The following SCN1A variants were observed in gnomAD, a reference collection of about 807,000 sequenced individuals.
SCN1A encodes sodium voltage-gated channel alpha subunit 1.
A neutral mutation model predicts 193.7 loss-of-function variants in SCN1A; 13 were observed. The ratio of observed to expected loss-of-function variants is 0.07; its 90% CI spans 0.04 to 0.11. The LOEUF (loss-of-function observed/expected upper bound fraction) is 0.11. Ranked by LOEUF, SCN1A falls within the 10% of genes least tolerant of loss-of-function variation. SCN1A has a pLI of 1.00. For missense variants in SCN1A, 1,432 were observed against 2,451.1 expected, an observed-to-expected ratio of 0.58 and a Z score of 8.78; for synonymous variants, 781 against 843.6, an observed-to-expected ratio of 0.93 and a Z score of 1.29.
intron 19 of SCN1A, among the ~76,000 whole-genome samples, chr2:166,022,528 C>T (rs1694211271): frequency 6.6e-6 from 1 of 152,102 alleles, no homozygotes; most frequent in South Asian, 2.1e-4. Flanking sequence ...TGTCTGCAAA[C>T]ATGCTTTCTT....
chr2:166,033,122 T>C (rs1269250241), intron 19 of SCN1A, among the ~76,000 whole-genome samples: 1 of 152,162 alleles, frequency 6.6e-6, no homozygotes, highest in African/African-American at 2.4e-5. Context: ...GTAAGACGCA[T>C]GAGTCAAGAA....
intron 19 of SCN1A, among the ~76,000 whole-genome samples, chr2:166,026,438 C>T (rs555086602): frequency 1.3e-5 from 2 of 152,054 alleles, no homozygotes; most frequent in South Asian, 4.2e-4. Context: ...GAAAAGTCCA[C>T]CTCTATGTTA....
At chr2:166,022,842 C>T (rs905001078) in intron 19 of SCN1A, among the ~76,000 whole-genome samples, 5 of 152,120 alleles carry the variant, frequency 3.3e-5, no homozygotes, top group Admixed American at 1.3e-4. Flanking sequence ...AGCTTTGCTA[C>T]GTGAAAACAT....
intron 4 of SCN1A, among the ~76,000 whole-genome samples, chr2:166,068,946 G>A (rs1002620322): frequency 2.0e-5 from 3 of 152,046 alleles, no homozygotes; most frequent in African/African-American, 7.2e-5. Context: ...TGATTCGTCT[G>A]TAATTTTAAC....
rs57044851 is a variant in SCN1A, at chr2:166,120,596, CTTTTTTTTTTTTTTT to C, written c.-142+6313_-142+6327del. ...TAGACTGTTTTCTTTTTTCTTTTCT[CTTTTTTTTTTTTTTT>C]TTTTTTTTTTTTTGAGACAGAGTCT... On this transcript the variant is annotated intron_variant, in intron 2 of 28. Transcript: ENST00000674923. Among the ~76,000 whole-genome samples, 42 of 72,494 alleles carry C rather than the reference CTTTTTTTTTTTTTTT, an allele frequency of 5.8e-4. 1 individual carries two copies. Among genetic ancestry groups the C allele is most frequent in the African/African-American group, 2.0e-3 (36 of 18,390 alleles). 47.6% of individuals were successfully genotyped at this position (72,494 alleles called of 152,430 possible). A position where few individuals can be genotyped will look rare whatever the true frequency, so the allele number is the denominator to read the frequency against.
chr2:166,102,926 A>G (rs1258374179), intron 2 of SCN1A, among the ~76,000 whole-genome samples: 6 of 152,270 alleles, frequency 3.9e-5, no homozygotes, highest in African/African-American at 1.2e-4. Context: ...AGAAAATACC[A>G]TTCAACAAAG....
At chr2:166,043,495 G>C (rs914727430) in intron 14 of SCN1A, among the ~76,000 whole-genome samples, 174 bp downstream of exon 14, 15 of 152,160 alleles carry the variant, frequency 9.9e-5, no homozygotes, top group African/African-American at 3.6e-4. Flanking sequence ...TTGTGCAGGA[G>C]ACTGCTAAGG....
intron 2 of SCN1A, among the ~76,000 whole-genome samples, chr2:166,110,328 AC>A (rs1381600685): frequency 6.6e-6 from 1 of 152,180 alleles, no homozygotes; most frequent in Non-Finnish European, 1.5e-5. Context: ...GGCCTCATGA[AC>A]CAAACAGTTA....
At chr2:166,142,052 G>A (rs1692109438) in intron 1 of SCN1A, among the ~76,000 whole-genome samples, 1 of 152,174 alleles carries the variant, frequency 6.6e-6, no homozygotes, top group African/African-American at 2.4e-5. Context: ...TAGACACAAA[G>A]AGGGTGGAGG....
At chr2:166,095,307 C>T (rs1272182830) in intron 2 of SCN1A, among the ~76,000 whole-genome samples, 1 of 152,148 alleles carries the variant, frequency 6.6e-6, no homozygotes, top group South Asian at 2.1e-4. Context: ...CCCAACTTCA[C>T]TAATCTCCTT....
chr2:166,135,408 C>A (rs1425432141), intron 1 of SCN1A, among the ~76,000 whole-genome samples: 1 of 152,158 alleles, frequency 6.6e-6, no homozygotes, highest in African/African-American at 2.4e-5. Context: ...GAATTCCTGT[C>A]AACATCTTTT....
intron 23 of SCN1A, among the ~76,000 whole-genome samples, chr2:166,005,845 GA>G (rs1691579769): frequency 1.3e-5 from 2 of 151,312 alleles, no homozygotes; most frequent in Admixed American, 6.6e-5. Flanking sequence ...CAGGCTACAT[GA>G]AAGGAAATGT....
chr2:166,013,377 C>A (rs371257854), intron 21 of SCN1A, among the ~76,000 whole-genome samples: 1 of 151,338 alleles, frequency 6.6e-6, no homozygotes, highest in South Asian at 2.1e-4. Flanking sequence ...CATTTAGAAA[C>A]AAAATTCGTC....
chr2:166,088,335 A>G (rs886660860), intron 2 of SCN1A, among the ~76,000 whole-genome samples: 4 of 150,410 alleles, frequency 2.7e-5, no homozygotes, highest in African/African-American at 7.4e-5. Flanking sequence ...CATTCTCTCC[A>G]TCTAACCATT....
In SCN1A at chr2:166,035,936, A is replaced by T. The variant is rs1292612129; in HGVS notation, c.3429+112T>A. ...ATTGCTTTTGTATTATCATAAAGTA[A>T]AAAAAAAAAAAAATCTTAAGTCAAA... On this transcript the variant is annotated intron_variant, in intron 19 of 28. Coordinates refer to ENST00000674923, the MANE Select transcript of SCN1A (RefSeq NM_001165963.4). 38 of 60,016 alleles carry T rather than the reference A, an allele frequency of 6.3e-4. 3 individuals are homozygous for T. The East Asian group carries it at 0.011, about 18-fold the overall frequency. The allele number at this position is 60,016 out of a possible 1,614,324, so 3.7% of individuals were successfully genotyped here.
intron 19 of SCN1A, among the ~76,000 whole-genome samples, chr2:166,017,631 C>A (rs1454209490): frequency 1.3e-5 from 2 of 152,024 alleles, no homozygotes; most frequent in East Asian, 3.9e-4. Context: ...ATGTGAGCAA[C>A]ATTTCATCAC....
intron 1 of SCN1A, among the ~76,000 whole-genome samples, chr2:166,138,876 A>G (rs907123565): frequency 6.6e-6 from 1 of 152,152 alleles, no homozygotes; most frequent in African/African-American, 2.4e-5. Context: ...TACCCTGCAA[A>G]GCAACAGGTG....
At chr2:166,065,824 T>C (rs1279752955) in intron 4 of SCN1A, among the ~76,000 whole-genome samples, 2 of 152,166 alleles carry the variant, frequency 1.3e-5, no homozygotes, top group Non-Finnish European at 2.9e-5. Flanking sequence ...AAGTCAGTGA[T>C]GCCTGAACTC....
chr2:166,082,792 C>G (rs7588638), intron 2 of SCN1A, among the ~76,000 whole-genome samples: 2,655 of 152,120 alleles, frequency 0.017, 195 homozygotes, highest in Admixed American at 0.14. Flanking sequence ...ATCTTCACCA[C>G]CTTATAATAT....
Sources: gnomAD v4.1 joint callset for allele counts (sites outside exome capture counted in the v4.1 genomes callset) on GRCh38, gnomAD v4.1.1 for gene constraint, MANE v1.5 for transcripts, NCBI Gene and HGNC (gene_info 2026-07-23, HGNC 2026-07-21) for gene names.